PRKAR1B: variants seen among roughly 807,000 people sequenced by gnomAD.
The protein encoded by PRKAR1B is cAMP-dependent protein kinase type I-beta regulatory subunit.
In PRKAR1B, 22 loss-of-function variants were observed where a neutral mutation model predicts 46.5. The observed-to-expected ratio is 0.47, with a 90% CI of 0.34 to 0.68. The LOEUF is 0.68. Ranked by LOEUF, PRKAR1B falls within the 30% of genes least tolerant of loss-of-function variation. The pLI, the probability that PRKAR1B is intolerant of heterozygous loss-of-function variation, is 0.01. For missense variants in PRKAR1B, 445 were observed against 535.6 expected, an observed-to-expected ratio of 0.83 and a Z score of 1.67; for synonymous variants, 259 against 217.7, an observed-to-expected ratio of 1.19 and a Z score of -1.67.
intron 7 of PRKAR1B, among the ~76,000 whole-genome samples, chr7:591,611 A>T (rs1168672720): frequency 6.6e-6 from 1 of 152,212 alleles, no homozygotes; most frequent in Non-Finnish European, 1.5e-5. Context: ...GCACTCTGGG[A>T]GGCCAAGGCG....
rs111525358 is a variant in PRKAR1B, at chr7:665,799, G to A, written c.440+11430C>T. 1.2e-4 allele frequency among the ~76,000 whole-genome samples: 19 copies of A among 152,298 alleles called. 1 individual carries two copies. The highest frequency in any genetic ancestry group is 4.1e-4 in the South Asian group (2 of 4,830). ...GCTCCCTTCAGCTGCCCGTGAATTC[G>A]GCAGAAGGGCTTGTTTTTCCCATCA... On this transcript the variant is annotated intron_variant, in intron 4 of 10. Transcript: ENST00000537384.
intron 4 of PRKAR1B, among the ~76,000 whole-genome samples, chr7:641,228 A>G (rs1348721534): frequency 6.6e-6 from 1 of 152,220 alleles, no homozygotes; most frequent in East Asian, 1.9e-4. Flanking sequence ...CTGGGATTAC[A>G]GGCGTGAGCC....
intron 9 of PRKAR1B, 162 bp downstream of exon 9, chr7:579,093 AG>A (rs1344841868): frequency 1.0e-6 from 1 of 985,340 alleles, no homozygotes; most frequent in Non-Finnish European, 1.2e-6. Context: ...CAGGAATGTG[AG>A]GCCACAGACC....
intron 4 of PRKAR1B, among the ~76,000 whole-genome samples, chr7:622,195 G>A (rs1174529465): frequency 6.6e-6 from 1 of 152,244 alleles, no homozygotes; most frequent in Non-Finnish European, 1.5e-5. Flanking sequence ...GGCCACCTAA[G>A]GGGGACAACA....
chr7:649,330 A>G (rs1273490174), intron 4 of PRKAR1B, among the ~76,000 whole-genome samples: 1 of 152,194 alleles, frequency 6.6e-6, no homozygotes, highest in Admixed American at 6.6e-5. Context: ...TCTCCCTATC[A>G]TGCTTCCTTG....
intron 6 of PRKAR1B, among the ~76,000 whole-genome samples, chr7:597,307 G>A (rs1016576517): frequency 6.6e-6 from 1 of 152,198 alleles, no homozygotes; most frequent in African/African-American, 2.4e-5. Context: ...TGAAAGAAAA[G>A]GCCACGCAGG....
intron 2 of PRKAR1B, among the ~76,000 whole-genome samples, chr7:710,501 G>T (rs1207466446): frequency 6.6e-6 from 1 of 152,140 alleles, no homozygotes; most frequent in Non-Finnish European, 1.5e-5. Flanking sequence ...ATCATTCCCG[G>T]AGAGAAGACC....
intron 4 of PRKAR1B, among the ~76,000 whole-genome samples, chr7:659,464 C>T (rs570948108): frequency 9.9e-5 from 15 of 152,190 alleles, no homozygotes; most frequent in Non-Finnish European, 1.9e-4. Context: ...GAGGAGGGCA[C>T]CCACATGGTG....
rs1778748380 is a variant in PRKAR1B at position 560,958 on chromosome 7, C to T, written c.892-9488G>A. ...CCAGTGCCTTTACGTTTCCTGTGCACACATTTCCTGCCTGTGTGCTTCTGG... is the reference window on the plus strand; with the variant it reads ...CCAGTGCCTTTACGTTTCCTGTGCATACATTTCCTGCCTGTGTGCTTCTGG... On this transcript the variant is annotated intron_variant, in intron 9 of 10. Coordinates refer to ENST00000537384, the MANE Select transcript of PRKAR1B (RefSeq NM_001164760.2). This position sits in a 1 kb window ranked among gnomAD's most constrained non-coding sequence, Gnocchi z 4.2. Among the ~76,000 whole-genome samples the T allele has an allele frequency of 6.6e-6, 1 of 152,216 alleles. No individual in the cohort carries two copies. Among genetic ancestry groups the T allele is most frequent in the African/African-American group, 2.4e-5 (1 of 41,454 alleles).
chr7:695,750 G>A (rs372645507), intron 2 of PRKAR1B, among the ~76,000 whole-genome samples: 12 of 150,646 alleles, frequency 8.0e-5, no homozygotes, highest in East Asian at 2.0e-4. Flanking sequence ...TGCAAGCTCC[G>A]CCTCCCGGGT....
rs527488727 is a variant in PRKAR1B at position 590,153 on chromosome 7, G to A, written c.709-5585C>T. 1.2e-4 allele frequency among the ~76,000 whole-genome samples: 18 copies of A among 152,352 alleles called. No homozygotes were observed. In the East Asian group the frequency reaches 1.3e-3, roughly 11 times the overall value. ...CTGGCACTCTGCTGTGCAGCCCCACGCCCTTCAGGACACTCCAAGAGGAGT... is the reference window on the plus strand; with the variant it reads ...CTGGCACTCTGCTGTGCAGCCCCACACCCTTCAGGACACTCCAAGAGGAGT... On this transcript the variant is annotated intron_variant, in intron 7 of 10. Transcript: ENST00000537384.
chr7:591,938 G>T (rs958298505), intron 7 of PRKAR1B, among the ~76,000 whole-genome samples: 6 of 152,230 alleles, frequency 3.9e-5, no homozygotes, highest in Admixed American at 3.9e-4. Context: ...CACGGCTGTG[G>T]GGTTGGCAAC....
At chr7:551,650 TCTC>T (rs1348542917) in intron 9 of PRKAR1B, among the ~76,000 whole-genome samples, 180 bp from the exon 10 acceptor site, 3 of 143,392 alleles carry the variant, frequency 2.1e-5, no homozygotes, top group Non-Finnish European at 3.0e-5. Flanking sequence ...CCCAGGTCCT[TCTC>T]CTGGAGCCAC....
upstream of PRKAR1B, among the ~76,000 whole-genome samples, chr7:728,094 C>T (rs369465579): frequency 1.3e-5 from 2 of 152,250 alleles, no homozygotes; most frequent in African/African-American, 4.8e-5. Context: ...GCCGCTTCTC[C>T]CCTCCACTTT....
In PRKAR1B at chr7:628,746, G is replaced by A. The variant is rs138288954; in HGVS notation, c.441-21294C>T. Reference sequence around the variant, plus strand: ...CCCGGGTAGAGTTGGCAAAGCCCACGGCCTTGTCCATTTCACCCCCCTGAC... The same window carrying A: ...CCCGGGTAGAGTTGGCAAAGCCCACAGCCTTGTCCATTTCACCCCCCTGAC... On this transcript the variant is annotated intron_variant, in intron 4 of 10. Coordinates refer to ENST00000537384, the MANE Select transcript of PRKAR1B (RefSeq NM_001164760.2). Among the ~76,000 whole-genome samples the A allele has an allele frequency of 2.3e-3, 346 of 152,254 alleles. 1 individual carries two copies. The highest frequency in any genetic ancestry group is 5.6e-3 in the East Asian group (29 of 5,172).
At chr7:621,369 TC>T (rs1297312832) in intron 4 of PRKAR1B, among the ~76,000 whole-genome samples, 2 of 152,244 alleles carry the variant, frequency 1.3e-5, no homozygotes, top group Non-Finnish European at 2.9e-5. Context: ...CAAAATCATC[TC>T]CCAATATTTA....
intron 4 of PRKAR1B, among the ~76,000 whole-genome samples, chr7:647,666 C>T (rs1019474732): frequency 2.6e-5 from 4 of 151,582 alleles, no homozygotes; most frequent in Admixed American, 2.0e-4. Flanking sequence ...ATTAGCCGGG[C>T]GAGGTGGCAG....
Sources: gnomAD v4.1 joint callset for allele counts (sites outside exome capture counted in the v4.1 genomes callset) on GRCh38, gnomAD v4.1.1 for gene constraint, Gnocchi (gnomAD v3.1) non-coding constraint, MANE v1.5 for transcripts, NCBI Gene and HGNC (gene_info 2026-07-23, HGNC 2026-07-21) for gene names.